Variants in CDH8 observed in about 807,000 individuals in gnomAD.
CDH8 encodes cadherin-8.
A neutral mutation model predicts 68.1 loss-of-function variants in CDH8; 17 were observed. That is an observed-to-expected ratio of 0.25 (90% CI 0.17 to 0.37). The LOEUF is 0.37. CDH8 is among the 10% of genes least tolerant of loss of function. CDH8 has a pLI of 1.00. For missense variants in CDH8, 763 were observed against 999.3 expected, an observed-to-expected ratio of 0.76 and a Z score of 3.19; for synonymous variants, 372 against 365.1, an observed-to-expected ratio of 1.02 and a Z score of -0.21.
At chr16:61,855,790 T>C (rs796858239) in intron 4 of CDH8, among the ~76,000 whole-genome samples, 5 of 152,266 alleles carry the variant, frequency 3.3e-5, no homozygotes, top group African/African-American at 1.2e-4. Context: ...CCACCTCTGC[T>C]ATGAACTCTG....
chr16:61,706,354 A>T (rs1251290582), intron 10 of CDH8, among the ~76,000 whole-genome samples: 1 of 152,202 alleles, frequency 6.6e-6, no homozygotes, highest in Non-Finnish European at 1.5e-5. Flanking sequence ...GCGGTGGCTC[A>T]CGCCTGTAAT....
intron 2 of CDH8, among the ~76,000 whole-genome samples, chr16:61,926,263 A>C (rs1964455834): frequency 6.6e-6 from 1 of 152,048 alleles, no homozygotes; most frequent in East Asian, 1.9e-4. Flanking sequence ...TAGAATAAAC[A>C]TTCATTGAGG....
intron 10 of CDH8, among the ~76,000 whole-genome samples, chr16:61,709,183 C>G (rs1964584256): frequency 6.6e-6 from 1 of 151,846 alleles, no homozygotes; most frequent in Admixed American, 6.6e-5. Context: ...TCCAAAGCAG[C>G]CTATTGTAAT....
intron 3 of CDH8, among the ~76,000 whole-genome samples, chr16:61,896,102 A>G (rs948451884): frequency 5.3e-5 from 8 of 152,206 alleles, no homozygotes; most frequent in African/African-American, 1.9e-4. Flanking sequence ...TATATTTAAA[A>G]TGTCTAGAAC....
At chr16:61,886,024 G>C (rs1298506969) in intron 3 of CDH8, among the ~76,000 whole-genome samples, 1 of 152,070 alleles carries the variant, frequency 6.6e-6, no homozygotes, top group Non-Finnish European at 1.5e-5. Flanking sequence ...TCAAGGAGAC[G>C]CATGATCCTT....
intron 1 of CDH8, among the ~76,000 whole-genome samples, chr16:62,035,637 C>T (rs957955717): frequency 1.3e-5 from 2 of 152,172 alleles, no homozygotes; most frequent in Admixed American, 1.3e-4. Flanking sequence ...CCCTCGCCTC[C>T]TTTTTTCCCT....
intron 4 of CDH8, among the ~76,000 whole-genome samples, chr16:61,847,566 A>C (rs1288910472): frequency 7.1e-6 from 1 of 141,718 alleles, no homozygotes; most frequent in Admixed American, 7.0e-5. Context: ...ATATATATAT[A>C]TATGTAATTA....
chr16:61,971,252 G>A (rs1175632761), intron 2 of CDH8, among the ~76,000 whole-genome samples: 1 of 152,100 alleles, frequency 6.6e-6, no homozygotes, highest in Non-Finnish European at 1.5e-5. Context: ...CTGTTTGGTG[G>A]TGTCTTCACA....
At chr16:61,807,456 C>A (rs111795032) in intron 7 of CDH8, among the ~76,000 whole-genome samples, 4,692 of 151,782 alleles carry the variant, frequency 0.031, 232 homozygotes, top group African/African-American at 0.11. Context: ...TGCACATGTA[C>A]CCTAAAACTT....
In CDH8 at chr16:61,781,170, G is replaced by T. The variant is rs544317824; in HGVS notation, c.1414+8176C>A. On this transcript the variant is annotated intron_variant, in intron 8 of 11. Transcript: ENST00000577390. ...TGTATCTGTTTTTCTTACTTGTGTG[G>T]GATTTCTCAAAAATGAGTCTTTTGT... is the stretch of plus-strand genomic sequence containing the variant. Among the ~76,000 whole-genome samples, 4 of 152,156 alleles carry T rather than the reference G, an allele frequency of 2.6e-5. No individual in the cohort carries two copies. The East Asian group carries it at 7.8e-4, about 30-fold the overall frequency.
At chr16:61,997,001 ATGTG>A (rs539962151) in intron 2 of CDH8, among the ~76,000 whole-genome samples, 8 of 86,172 alleles carry the variant, frequency 9.3e-5, no homozygotes, top group Non-Finnish European at 1.4e-4. Flanking sequence ...TATTGTGTGT[ATGTG>A]TGTGTGTGTG....
At chr16:61,919,790 G>A (rs1374299703) in intron 2 of CDH8, among the ~76,000 whole-genome samples, 8 of 152,058 alleles carry the variant, frequency 5.3e-5, no homozygotes, top group Admixed American at 2.0e-4. Flanking sequence ...GCAGGCCAAC[G>A]AACAAAGAAC....
intron 2 of CDH8, among the ~76,000 whole-genome samples, chr16:61,921,105 G>A (rs1274791353): frequency 3.3e-5 from 4 of 120,098 alleles, no homozygotes; most frequent in African/African-American, 3.1e-5. Context: ...GGACTGTTGT[G>A]GGGTGGGGGG....
intron 10 of CDH8, among the ~76,000 whole-genome samples, chr16:61,685,358 A>G (rs1964087496): frequency 1.3e-5 from 2 of 151,888 alleles, no homozygotes; most frequent in African/African-American, 4.8e-5. Context: ...TCTGATTTTA[A>G]AGGAGACATT....
intron 2 of CDH8, among the ~76,000 whole-genome samples, chr16:61,936,899 CTTATT>C: frequency 6.6e-6 from 1 of 152,240 alleles, no homozygotes; most frequent in South Asian, 2.1e-4. Context: ...TTATCATATT[CTTATT>C]TTAAAGTAGT....
chr16:61,779,922 G>A (rs1471640791), intron 8 of CDH8, among the ~76,000 whole-genome samples: 1 of 152,186 alleles, frequency 6.6e-6, no homozygotes, highest in Non-Finnish European at 1.5e-5. Context: ...GAGGAAAGAA[G>A]ATTGAAGTGA....
chr16:61,861,672 T>C (rs1307989586), intron 3 of CDH8, among the ~76,000 whole-genome samples: 1 of 152,236 alleles, frequency 6.6e-6, no homozygotes, highest in Non-Finnish European at 1.5e-5. Flanking sequence ...AGTCAAAATG[T>C]CTTCAACCAG....
intron 8 of CDH8, among the ~76,000 whole-genome samples, chr16:61,736,483 G>A (rs1276013677): frequency 6.6e-6 from 1 of 152,130 alleles, no homozygotes; most frequent in Non-Finnish European, 1.5e-5. Flanking sequence ...CTAAGTAGAT[G>A]AATGTTTATC....
chr16:61,880,757 A>T (rs1284498270), intron 3 of CDH8, among the ~76,000 whole-genome samples: 1 of 152,194 alleles, frequency 6.6e-6, no homozygotes, highest in Non-Finnish European at 1.5e-5. Flanking sequence ...GTGGATCAAG[A>T]AAGACCAGAC....
Sources: gnomAD v4.1 joint callset for allele counts (sites outside exome capture counted in the v4.1 genomes callset) on GRCh38, gnomAD v4.1.1 for gene constraint, MANE v1.5 for transcripts, NCBI Gene and HGNC (gene_info 2026-07-23, HGNC 2026-07-21) for gene names.